The following C1orf141 variants were observed in gnomAD, a reference collection of about 807,000 sequenced individuals.
C1orf141 encodes the protein chromosome 1 open reading frame 141.
A neutral mutation model predicts 23.2 loss-of-function variants in C1orf141; 19 were observed. The ratio of observed to expected loss-of-function variants is 0.82; its 90% CI spans 0.57 to 1.20. The LOEUF (loss-of-function observed/expected upper bound fraction) is 1.20. Ranked by LOEUF, C1orf141 falls within the 50% of genes most tolerant of loss-of-function variation. The pLI is 0.00. For missense variants in C1orf141, 469 were observed against 455.1 expected, an observed-to-expected ratio of 1.03 and a Z score of -0.28; for synonymous variants, 153 against 154.6, an observed-to-expected ratio of 0.99 and a Z score of 0.08.
rs543884586 is a variant in C1orf141, at chr1:67,115,584, G to C, written c.234-120C>G. 2.3e-5 allele frequency: 12 copies of C among 514,100 alleles called. No homozygotes were observed. The African/African-American group carries it at 2.4e-4, about 10-fold the overall frequency. The allele number at this position is 514,100 out of a possible 1,614,324, so 31.8% of individuals were successfully genotyped here. The stretch of plus-strand genomic sequence containing the variant: ...ATACAGACTTGGATGTTATGTTAAT[G>C]TTGTCACAGTACCAAGTGTGAAACA... On this transcript the variant is annotated intron_variant, in intron 4 of 7. Transcript: ENST00000684719.
intron 5 of C1orf141, chr1:67,111,589 C>A: frequency 7.5e-7 from 1 of 1,340,508 alleles, no homozygotes; most frequent in Non-Finnish European, 9.9e-7. Flanking sequence ...CAGTTGTATC[C>A]TTAAGATAAA....
rs11336462 is a variant in C1orf141 at position 67,125,928 on chromosome 1, GAAA to G, written c.76-22_76-20del. 33,352 of 1,144,974 alleles carry G rather than the reference GAAA, an allele frequency of 0.029. No homozygotes were observed. Among genetic ancestry groups the G allele is most frequent in the East Asian group, 0.062 (1,834 of 29,678 alleles). 70.9% of individuals were successfully genotyped at this position (1,144,974 alleles called of 1,614,324 possible). The stretch of plus-strand genomic sequence containing the variant: ...TGTTTATCTGCAGCAATGCCAAAGT[GAAA>G]AAAAAAAAAAAAAAAAGAGTACTTT... On this transcript the variant is annotated intron_variant, in intron 3 of 7. Coordinates refer to ENST00000684719, the MANE Select transcript of C1orf141 (RefSeq NM_001276351.2).
chr1:67,134,204 A>T (rs1646559182), intron 1 of C1orf141, among the ~76,000 whole-genome samples: 1 of 152,168 alleles, frequency 6.6e-6, no homozygotes, highest in Admixed American at 6.5e-5. Context: ...GGGTTTCGCC[A>T]CTGTGGCCAG....
At chr1:67,131,102 T>C (rs1232729371) in intron 2 of C1orf141, 40 bp downstream of exon 2, 3 of 152,212 alleles carry the variant, frequency 2.0e-5, no homozygotes. Flanking sequence ...GCAAAATGAA[T>C]CAAGACGATA....
At position 67,095,432 on chromosome 1, in the gene C1orf141, A is replaced by G. The variant is rs749694449; in HGVS notation, c.417-11T>C. The G allele has an allele frequency of 2.7e-6, 4 of 1,476,896 alleles. No individual in the cohort carries two copies. The highest frequency in any genetic ancestry group is 2.8e-5 in the African/African-American group (2 of 70,340). The allele number at this position is 1,476,896 out of a possible 1,614,324, so 91.5% of individuals were successfully genotyped here. A position where few individuals can be genotyped will look rare whatever the true frequency, so the allele number is the denominator to read the frequency against. On this transcript the variant is annotated splice_polypyrimidine_tract_variant and intron_variant, in intron 6 of 7. Coordinates refer to ENST00000684719, the MANE Select transcript of C1orf141 (RefSeq NM_001276351.2). ...TGTGGAGATTTTTTTCTGAAAATAA[A>G]CACAGTTCAGGGTAGTGTTCATGGG... is the stretch of plus-strand genomic sequence containing the variant.
At chr1:67,135,748 CA>C (rs915063831), upstream of C1orf141, among the ~76,000 whole-genome samples, 1 of 151,448 alleles carries the variant, frequency 6.6e-6, no homozygotes, top group African/African-American at 2.4e-5. Context: ...CATTTTAAGT[CA>C]GGGGTTGTTC....
intron 5 of C1orf141, among the ~76,000 whole-genome samples, chr1:67,107,039 A>ATCCTG (rs1205202543): frequency 5.9e-5 from 9 of 152,222 alleles, no homozygotes; most frequent in Admixed American, 6.5e-5. Flanking sequence ...AAAAATTATA[A>ATCCTG]TACTGTCCTG....
intron 5 of C1orf141, chr1:67,111,554 C>A: frequency 1.0e-6 from 1 of 965,130 alleles, no homozygotes; most frequent in Non-Finnish European, 1.4e-6. Flanking sequence ...TAAGTAATTA[C>A]TGAGTATACA....
intron 4 of C1orf141, among the ~76,000 whole-genome samples, chr1:67,115,768 A>C (rs577411317): frequency 1.6e-4 from 25 of 152,328 alleles, no homozygotes; most frequent in African/African-American, 6.0e-4. Flanking sequence ...AAATAACTTC[A>C]GTGAGACATT....
chr1:67,127,924 C>T (rs184026358), intron 2 of C1orf141, among the ~76,000 whole-genome samples: 18 of 152,070 alleles, frequency 1.2e-4, no homozygotes, highest in African/African-American at 2.4e-4. Flanking sequence ...TATGAGCCAC[C>T]GTGCCTGGCC....
chr1:67,125,636 C>G, intron 4 of C1orf141, 116 bp downstream of exon 4: 1 of 984,430 alleles, frequency 1.0e-6, no homozygotes, highest in Non-Finnish European at 1.6e-6. Flanking sequence ...GAAGTTGAGG[C>G]TGCAGTGAGC....
intron 5 of C1orf141, chr1:67,103,232 G>A: frequency 7.2e-7 from 1 of 1,383,868 alleles, no homozygotes; most frequent in Non-Finnish European, 9.6e-7. Flanking sequence ...CATGCAATTT[G>A]TATACCTGTA....
chr1:67,141,063 G>A (rs932315176), intron 1 of C1orf141, among the ~76,000 whole-genome samples: 1 of 152,072 alleles, frequency 6.6e-6, no homozygotes, highest in Admixed American at 6.5e-5. Flanking sequence ...GTTACAAGAG[G>A]TATGAAGAAA....
chr1:67,115,354 G>A lies in C1orf141; in HGVS notation c.344C>T (p.Thr115Ile), dbSNP rs945204364. The A allele has an allele frequency of 1.3e-5, 14 of 1,088,520 alleles. No homozygotes were observed. The highest frequency in any genetic ancestry group is 1.7e-5 in the Non-Finnish European group (12 of 720,994). 67.4% of individuals were successfully genotyped at this position (1,088,520 alleles called of 1,614,324 possible). ...TNVKNKESES[T>I]AQIEKKPRKP... ...AAATATGTTACACAAAGCATTACCT[G>A]TTGACTCACTTTCTTTATTTTTTAC... The change falls in exon 5 of 8, where the codon ACA (threonine) becomes ATA (isoleucine). Residue 115 changes from threonine (T) to isoleucine (I), a missense_variant and splice_region_variant. Transcript: ENST00000684719.
chr1:67,125,928 G>GAA lies in C1orf141; in HGVS notation c.76-21_76-20dup, dbSNP rs11336462. On this transcript the variant is annotated intron_variant, in intron 3 of 7. Transcript: ENST00000684719. Reference sequence around the variant, plus strand: ...TGTTTATCTGCAGCAATGCCAAAGTGAAAAAAAAAAAAAAAAAAAGAGTAC... The same window carrying GAA: ...TGTTTATCTGCAGCAATGCCAAAGTGAAAAAAAAAAAAAAAAAAAAAGAGTAC... 4,603 of 1,180,956 alleles carry GAA rather than the reference G, an allele frequency of 3.9e-3. 1 individual carries two copies. The highest frequency in any genetic ancestry group is 4.9e-3 in the African/African-American group (234 of 48,090). 73.2% of individuals were successfully genotyped at this position (1,180,956 alleles called of 1,614,324 possible).
chr1:67,132,444 A>AC (rs1177945553), intron 1 of C1orf141, among the ~76,000 whole-genome samples: 1 of 151,794 alleles, frequency 6.6e-6, no homozygotes, highest in East Asian at 1.9e-4. Context: ...AATAACCTGA[A>AC]CCCAGGTGGC....
chr1:67,105,325 CAAAAAAA>C (rs3052331), intron 5 of C1orf141, among the ~76,000 whole-genome samples: 1 of 92,358 alleles, frequency 1.1e-5, no homozygotes, highest in African/African-American at 3.8e-5. Context: ...GACTATTTCT[CAAAAAAA>C]AAAAAAAAAA....
intron 3 of C1orf141, 120 bp downstream of exon 3, chr1:67,127,046 G>A (rs891394776): frequency 1.8e-5 from 10 of 554,198 alleles, no homozygotes; most frequent in Non-Finnish European, 2.7e-5. Flanking sequence ...ATAATTAGTT[G>A]CTTTTTACAA....
At chr1:67,110,733 A>G (rs535934126) in intron 5 of C1orf141, among the ~76,000 whole-genome samples, 13 of 151,956 alleles carry the variant, frequency 8.6e-5, no homozygotes, top group African/African-American at 2.9e-4. Flanking sequence ...ATGTTGTAAT[A>G]CATAGCTTGG....
Sources: allele counts gnomAD v4.1 joint callset (sites outside exome capture counted in the v4.1 genomes callset), GRCh38; gene constraint gnomAD v4.1.1; transcripts MANE v1.5; gene names NCBI Gene and HGNC (gene_info 2026-07-23, HGNC 2026-07-21).